Variants in RBMS3 observed in about 807,000 individuals in gnomAD.
RBMS3 encodes the protein RNA-binding motif, single-stranded-interacting protein 3.
In RBMS3, 27 loss-of-function variants were observed where a neutral mutation model predicts 66.8. The ratio of observed to expected loss-of-function variants is 0.40; its 90% CI spans 0.30 to 0.56. RBMS3 has a LOEUF of 0.56. Ranked by LOEUF, RBMS3 falls within the 20% of genes least tolerant of loss-of-function variation. The pLI is 0.40. For synonymous variants in RBMS3, 188 were observed against 183.0 expected, an observed-to-expected ratio of 1.03 and a Z score of -0.22; for missense variants, 513 against 549.5, an observed-to-expected ratio of 0.93 and a Z score of 0.66.
intron 7 of RBMS3, among the ~76,000 whole-genome samples, chr3:29,874,050 C>T (rs567200165): frequency 5.4e-4 from 82 of 152,226 alleles, no homozygotes; most frequent in Middle Eastern, 6.8e-3. Flanking sequence ...AGACACACTC[C>T]GTAAAATAGC....
rs147266030 is a variant in RBMS3 at position 29,834,590 on chromosome 3, A to G, written c.638-34268A>G. ...GATTGTTATAACTAAAGGATGTACT[A>G]TGTAAGCCTAAAGGTAATCATGAAG... is the stretch of plus-strand genomic sequence containing the variant. On this transcript the variant is annotated intron_variant, in intron 6 of 14. Transcript: ENST00000383767. 1.1e-4 allele frequency among the ~76,000 whole-genome samples: 17 copies of G among 152,178 alleles called. No homozygotes were observed. The East Asian group carries it at 3.1e-3, about 28-fold the overall frequency.
At chr3:29,600,530 A>G (rs895407921) in intron 4 of RBMS3, among the ~76,000 whole-genome samples, 1 of 152,058 alleles carries the variant, frequency 6.6e-6, no homozygotes, top group Non-Finnish European at 1.5e-5. Flanking sequence ...TTAGCTAAAT[A>G]AGCCTCTTTT....
intron 4 of RBMS3, among the ~76,000 whole-genome samples, chr3:29,611,665 A>G (rs1678346414): frequency 6.6e-6 from 1 of 152,066 alleles, no homozygotes; most frequent in Admixed American, 6.6e-5. Context: ...CTCCGTATTC[A>G]TAGACAATTT....
intron 9 of RBMS3, among the ~76,000 whole-genome samples, chr3:29,898,697 G>C (rs2060182942): frequency 6.6e-6 from 1 of 150,712 alleles, no homozygotes; most frequent in Non-Finnish European, 1.5e-5. Context: ...GTTCTGTTCA[G>C]TTTTTGTTCT....
intron 7 of RBMS3, 70 bp from the exon 8 acceptor site, chr3:29,884,092 T>C (rs1244415893): frequency 1.6e-6 from 2 of 1,274,442 alleles, no homozygotes; most frequent in Non-Finnish European, 1.1e-6. Flanking sequence ...TCTTTGTGTG[T>C]ACTAAATGTT....
intron 12 of RBMS3, among the ~76,000 whole-genome samples, chr3:29,966,850 C>A (rs1432634196): frequency 1.3e-5 from 2 of 152,084 alleles, no homozygotes; most frequent in African/African-American, 4.8e-5. Flanking sequence ...GCTTTTATTA[C>A]ATTAAGGTAT....
intron 1 of RBMS3, among the ~76,000 whole-genome samples, chr3:29,282,431 A>G (rs752381285): frequency 2.4e-4 from 37 of 152,040 alleles, no homozygotes; most frequent in Non-Finnish European, 4.6e-4. Flanking sequence ...AAAGGAATGA[A>G]ATGTAACTGA....
chr3:29,308,412 G>A (rs1188047556), intron 1 of RBMS3, among the ~76,000 whole-genome samples: 1 of 151,718 alleles, frequency 6.6e-6, no homozygotes, highest in African/African-American at 2.4e-5. Context: ...ATATCACAGT[G>A]TTTGGTACAT....
chr3:29,926,836 C>A (rs1449346605), intron 10 of RBMS3: 5 of 152,138 alleles, frequency 3.3e-5, no homozygotes, highest in South Asian at 2.1e-4. Flanking sequence ...TGGAGGTATA[C>A]AAAGTGATTG....
intron 1 of RBMS3, among the ~76,000 whole-genome samples, chr3:29,353,304 A>T (rs948162638): frequency 1.3e-5 from 2 of 151,960 alleles, no homozygotes; most frequent in African/African-American, 4.8e-5. Context: ...ATTAAATGTG[A>T]TGGTGGCATT....
chr3:29,340,684 A>G (rs1331761041), intron 1 of RBMS3, among the ~76,000 whole-genome samples: 4 of 152,144 alleles, frequency 2.6e-5, no homozygotes, highest in African/African-American at 4.8e-5. Context: ...AGCTGGTTTT[A>G]CTGTAAAATC....
intron 1 of RBMS3, 46 bp downstream of exon 1, chr3:29,281,802 C>T: frequency 6.7e-7 from 1 of 1,497,344 alleles, no homozygotes; most frequent in Non-Finnish European, 9.2e-7. Flanking sequence ...TATCGTTCTG[C>T]ACTTGGGATG....
intron 3 of RBMS3, among the ~76,000 whole-genome samples, chr3:29,580,682 TATA>T (rs5847581): frequency 0.065 from 9,588 of 147,594 alleles, 341 homozygotes; most frequent in Admixed American, 0.12. Flanking sequence ...AATTTAATAA[TATA>T]ATAATAATAA....
At chr3:29,503,173 T>C (rs571145178) in intron 3 of RBMS3, among the ~76,000 whole-genome samples, 1 of 152,168 alleles carries the variant, frequency 6.6e-6, no homozygotes, top group Non-Finnish European at 1.5e-5. Context: ...AAGACTTTTA[T>C]GTTTTGAATT....
intron 1 of RBMS3, among the ~76,000 whole-genome samples, chr3:29,369,487 AAC>A (rs59274434): frequency 0.061 from 8,203 of 135,104 alleles, 287 homozygotes; most frequent in East Asian, 0.11. Flanking sequence ...ATCACTCCTT[AAC>A]ACACACACAC....
intron 3 of RBMS3, among the ~76,000 whole-genome samples, chr3:29,557,164 C>G (rs1421947449): frequency 1.3e-5 from 2 of 152,152 alleles, no homozygotes; most frequent in African/African-American, 4.8e-5. Context: ...CTTAAAACAT[C>G]TTTTTCCTGT....
intron 6 of RBMS3, among the ~76,000 whole-genome samples, chr3:29,778,311 C>G (rs2056495426): frequency 6.6e-6 from 1 of 151,696 alleles, no homozygotes; most frequent in Admixed American, 6.6e-5. Context: ...CTCTTGTTCT[C>G]TTGTGACTCT....
intron 14 of RBMS3, among the ~76,000 whole-genome samples, chr3:29,993,407 CTG>C: frequency 6.6e-6 from 1 of 152,108 alleles, no homozygotes; most frequent in Non-Finnish European, 1.5e-5. Context: ...ATGAGAAATA[CTG>C]TGGGTAATGG....
intron 3 of RBMS3, among the ~76,000 whole-genome samples, chr3:29,530,373 A>G (rs2045304589): frequency 6.6e-6 from 1 of 152,232 alleles, no homozygotes; most frequent in Non-Finnish European, 1.5e-5. Flanking sequence ...TGTGGAAGTA[A>G]TAGCTACCAA....
Sources: allele counts gnomAD v4.1 joint callset (sites outside exome capture counted in the v4.1 genomes callset), GRCh38; gene constraint gnomAD v4.1.1; transcripts MANE v1.5; gene names NCBI Gene and HGNC (gene_info 2026-07-23, HGNC 2026-07-21).